Variants in TMEM114 observed in about 807,000 individuals in gnomAD.
TMEM114 encodes the protein transmembrane protein 114.
In TMEM114, 6 loss-of-function variants were observed where a neutral mutation model predicts 6.2. The ratio of observed to expected loss-of-function variants is 0.97; its 90% CI spans 0.53 to 1.91. TMEM114 has a LOEUF of 1.91. Among genes scored for constraint, TMEM114 ranks in the 40% most tolerant of loss-of-function variants. TMEM114 has a pLI of 0.01. For synonymous variants in TMEM114, 104 were observed against 73.0 expected, an observed-to-expected ratio of 1.42 and a Z score of -2.16; for missense variants, 218 against 158.3, an observed-to-expected ratio of 1.38 and a Z score of -2.02.
chr16:8,535,403 T>C (rs898662285), downstream of TMEM114, among the ~76,000 whole-genome samples: 2 of 151,998 alleles, frequency 1.3e-5, no homozygotes. Flanking sequence ...CAGAGCTTCA[T>C]CGGGATTTTT....
chr16:8,548,624 C>T (rs964746150), intron 2 of TMEM114, among the ~76,000 whole-genome samples: 1 of 150,876 alleles, frequency 6.6e-6, no homozygotes, highest in African/African-American at 2.5e-5. Flanking sequence ...ATTATCTGAG[C>T]AGAGATGAAA....
the TMEM114 span, among the ~76,000 whole-genome samples, chr16:8,527,246 C>T: frequency 6.6e-6 from 1 of 152,110 alleles, no homozygotes; most frequent in South Asian, 2.1e-4. Context: ...TCCCTCACTG[C>T]TCAACTCATG....
downstream of TMEM114, among the ~76,000 whole-genome samples, chr16:8,567,676 G>A (rs138939463): frequency 3.3e-5 from 5 of 152,234 alleles, no homozygotes; most frequent in East Asian, 7.7e-4. Context: ...TGTCAGGTGG[G>A]GGAGAGAATC....
At chr16:8,561,661 A>G (rs892733129) in intron 2 of TMEM114, among the ~76,000 whole-genome samples, 2 of 152,220 alleles carry the variant, frequency 1.3e-5, no homozygotes, top group Admixed American at 6.5e-5. Context: ...GAATAAGTGA[A>G]TGAATGAGTG....
intron 2 of TMEM114, among the ~76,000 whole-genome samples, chr16:8,558,996 G>T (rs905468371): frequency 2.0e-5 from 3 of 151,410 alleles, no homozygotes; most frequent in Non-Finnish European, 4.4e-5. Context: ...ACCCACCTCA[G>T]CCTCCCAAAG....
At chr16:8,535,959 C>T (rs993998879), downstream of TMEM114, among the ~76,000 whole-genome samples, 4 of 152,122 alleles carry the variant, frequency 2.6e-5, no homozygotes, top group African/African-American at 9.7e-5. Context: ...GGCGCGGTGG[C>T]TTATGCCTGT....
chr16:8,530,382 T>A, the TMEM114 span, among the ~76,000 whole-genome samples: 2 of 152,176 alleles, frequency 1.3e-5, no homozygotes, highest in Admixed American at 6.5e-5. Context: ...AGAGTTCCCA[T>A]CTCTAGAGCT....
intron 2 of TMEM114, among the ~76,000 whole-genome samples, chr16:8,552,051 C>G (rs1417344395): frequency 6.6e-6 from 1 of 152,004 alleles, no homozygotes; most frequent in South Asian, 2.1e-4. Flanking sequence ...AGCTAGAGGA[C>G]AGAGGAGTGA....
At chr16:8,584,855 G>C (rs1235606866) in intron 2 of TMEM114, among the ~76,000 whole-genome samples, 4 of 149,992 alleles carry the variant, frequency 2.7e-5, no homozygotes, top group Non-Finnish European at 5.9e-5. Flanking sequence ...CCAGGAGGCG[G>C]AGGTTGCAGT....
downstream of TMEM114, among the ~76,000 whole-genome samples, chr16:8,566,138 A>T (rs998897663): frequency 2.0e-5 from 3 of 152,320 alleles, no homozygotes; most frequent in African/African-American, 7.2e-5. Context: ...TGGGAGGCCA[A>T]GGTAGGTGGA....
Position 8,562,807 on chromosome 16 carries a change from A to G in TMEM114, n.213-24981T>C, listed in dbSNP as rs573116131. Among the ~76,000 whole-genome samples, 4 of 151,020 alleles carry G rather than the reference A, an allele frequency of 2.6e-5. No individual in the cohort carries two copies. The East Asian group carries it at 7.8e-4, about 29-fold the overall frequency. On this transcript the variant is annotated intron_variant and non_coding_transcript_variant, in intron 2 of 2. Coordinates refer to the TMEM114 transcript ENST00000623677. Reference sequence around the variant, plus strand: ...GAATGAGTAAGTGAGTGAATGAGTGAGTAAATGAGTGAGGGAGGGAGGGAA... The same window carrying G: ...GAATGAGTAAGTGAGTGAATGAGTGGGTAAATGAGTGAGGGAGGGAGGGAA...
At chr16:8,542,030 C>T (rs1222379896) in intron 2 of TMEM114, among the ~76,000 whole-genome samples, 1 of 152,100 alleles carries the variant, frequency 6.6e-6, no homozygotes, top group Non-Finnish European at 1.5e-5. Flanking sequence ...GCATGGTGAC[C>T]AAGAAAAAGC....
chr16:8,557,934 T>C (rs539307381), intron 2 of TMEM114, among the ~76,000 whole-genome samples: 1 of 152,302 alleles, frequency 6.6e-6, no homozygotes, highest in South Asian at 2.1e-4. Flanking sequence ...AAATGTATTC[T>C]CTCACAATTC....
At chr16:8,564,225 ATG>A (rs1567203548) in intron 2 of TMEM114, among the ~76,000 whole-genome samples, 244 of 17,580 alleles carry the variant, frequency 0.014, 1 homozygote, top group East Asian at 0.023. Context: ...GAGTTAGTGA[ATG>A]AGTGAGTTAG....
chr16:8,543,033 G>A (rs550330183), intron 2 of TMEM114, among the ~76,000 whole-genome samples: 4 of 152,154 alleles, frequency 2.6e-5, no homozygotes, highest in Non-Finnish European at 5.9e-5. Context: ...CTGATAACAC[G>A]AAAATAGACA....
chr16:8,564,290 TA>T (rs2141675402), intron 2 of TMEM114, among the ~76,000 whole-genome samples: 1 of 142,858 alleles, frequency 7.0e-6, no homozygotes, highest in South Asian at 2.3e-4. Context: ...AGTGATGAAA[TA>T]AGTGAATGAG....
At position 8,569,733 on chromosome 16, in the gene TMEM114, G is replaced by A. The variant is rs930763765; in HGVS notation, c.*40C>T. The A allele has an allele frequency of 7.2e-6, 11 of 1,520,008 alleles. No individual in the cohort carries two copies. Among genetic ancestry groups the A allele is most frequent in the African/African-American group, 1.4e-5 (1 of 72,406 alleles). 94.2% of individuals were successfully genotyped at this position (1,520,008 alleles called of 1,614,324 possible). A position where few individuals can be genotyped will look rare whatever the true frequency, so the allele number is the denominator to read the frequency against. On this transcript the variant is annotated 3_prime_UTR_variant, in exon 4 of 4. Coordinates refer to ENST00000620492, the MANE Select transcript of TMEM114 (RefSeq NM_001146336.2). ...GGAGATCGGTCGGTGAAGCTCCGGG[G>A]CCAAGCCCCTCCCTCCCCTCCACGA... is the stretch of plus-strand genomic sequence containing the variant.
In TMEM114 at chr16:8,553,614, T is replaced by C. The variant is rs947083579; in HGVS notation, n.213-15788A>G. Among the ~76,000 whole-genome samples, 9 of 152,298 alleles carry C rather than the reference T, an allele frequency of 5.9e-5. No individual in the cohort carries two copies. The East Asian group carries it at 1.7e-3, about 29-fold the overall frequency. On this transcript the variant is annotated intron_variant and non_coding_transcript_variant, in intron 2 of 2. Coordinates refer to the TMEM114 transcript ENST00000623677. Reference sequence around the variant, plus strand: ...CATTCTCCTGCCTCAGCCTCCCAAGTAGCTGGGACTGCCGGCGCCTGCCAT... The same window carrying C: ...CATTCTCCTGCCTCAGCCTCCCAAGCAGCTGGGACTGCCGGCGCCTGCCAT...
At chr16:8,541,484 C>T (rs898307060) in intron 2 of TMEM114, among the ~76,000 whole-genome samples, 3 of 152,144 alleles carry the variant, frequency 2.0e-5, no homozygotes, top group Admixed American at 6.5e-5. Context: ...ATTCGTCTGA[C>T]CATAAGGTTC....
Sources: allele counts gnomAD v4.1 joint callset (sites outside exome capture counted in the v4.1 genomes callset), GRCh38; gene constraint gnomAD v4.1.1; transcripts MANE v1.5; gene names NCBI Gene and HGNC (gene_info 2026-07-23, HGNC 2026-07-21).